Variants in TAB2 observed in about 807,000 individuals in gnomAD.
TAB2 encodes the protein TGF-beta activated kinase 1 (MAP3K7) binding protein 2, also known as TGF-beta-activated kinase 1 and MAP3K7-binding protein 2.
In TAB2, 3 loss-of-function variants were observed where a neutral mutation model predicts 65.0. The observed-to-expected ratio is 0.05, with a 90% CI of 0.02 to 0.12. The LOEUF (loss-of-function observed/expected upper bound fraction) is 0.12, where lower values mean the gene tolerates loss of function less well. Among genes scored for constraint, TAB2 ranks in the 10% least tolerant of loss-of-function variants. The pLI is 1.00. For missense variants in TAB2, 623 were observed against 840.3 expected, an observed-to-expected ratio of 0.74 and a Z score of 3.20; for synonymous variants, 298 against 285.1, an observed-to-expected ratio of 1.05 and a Z score of -0.46.
Position 149,379,525 on chromosome 6 carries a change from T to G in TAB2, c.1603+7T>G. ...GATGCTGCCTACACACAAGGTAATATGAATACTAAAGGTGGGATGGTTTTC... is the reference window on the plus strand; with the variant it reads ...GATGCTGCCTACACACAAGGTAATAGGAATACTAAAGGTGGGATGGTTTTC... On this transcript the variant is annotated splice_region_variant and intron_variant, in intron 3 of 6. Transcript: ENST00000637181. 6.2e-7 allele frequency: 1 copy of G among 1,613,996 alleles called. No homozygotes were observed. The highest frequency in any genetic ancestry group is 8.5e-7 in the Non-Finnish European group (1 of 1,179,936).
intron 3 of TAB2, among the ~76,000 whole-genome samples, chr6:149,388,388 CAGAG>C (rs976116940): frequency 8.5e-5 from 13 of 152,184 alleles, no homozygotes; most frequent in African/African-American, 3.1e-4. Flanking sequence ...ACCTGGGAGA[CAGAG>C]AGCCAGAAGA....
chr6:149,378,338 A>T lies in TAB2; in HGVS notation c.423A>T (p.Gly141=), dbSNP rs951108891. The change falls in exon 3 of 7, where the codon GGA becomes GGT. Residue 141 remains glycine, a synonymous_variant. Transcript: ENST00000637181. ...AQVPQGFNVF[G]MSSSSGASNS... ...TTCCTCAAGGCTTTAATGTTTTTGG[A>T]ATGTCCAGTTCCTCTGGTGCTTCAA... 6 of 1,614,058 alleles carry T rather than the reference A, an allele frequency of 3.7e-6. No homozygotes were observed. The African/African-American group carries it at 6.7e-5, about 18-fold the overall frequency.
Position 149,267,518 on chromosome 6 carries a change from G to A in TAB2, c.-121+48742G>A, listed in dbSNP as rs1778285032. Among the ~76,000 whole-genome samples, 3 of 152,234 alleles carry A rather than the reference G, an allele frequency of 2.0e-5. No homozygotes were observed. The East Asian group carries it at 5.8e-4, about 29-fold the overall frequency. On this transcript the variant is annotated intron_variant, in intron 1 of 1. Transcript: ENST00000606202. The stretch of plus-strand genomic sequence containing the variant: ...TCATTGCCTCTTCTTCCACTTGAGA[G>A]TTAGCTCTAAGAGGGTAGGGATTTT...
At chr6:149,275,300 G>GAAAGAAAGAAAGAAAGAAAGAAAA (rs1223068467) in intron 1 of TAB2, among the ~76,000 whole-genome samples, 1,910 of 128,318 alleles carry the variant, frequency 0.015, 210 homozygotes, top group East Asian at 0.031. Flanking sequence ...AAGAAAGAAA[G>GAAAGAAAGAAAGAAAGAAAGAAAA]AGAAAAAAGA....
intron 1 of TAB2, among the ~76,000 whole-genome samples, chr6:149,301,384 GGGAAT>G (rs1778970890): frequency 6.6e-6 from 1 of 152,128 alleles, no homozygotes; most frequent in South Asian, 2.1e-4. Flanking sequence ...GGAGTATTAA[GGGAAT>G]TATCATCTTA....
At chr6:149,244,639 AAGGAGTC>A (rs1312530202) in intron 1 of TAB2, 1 of 152,460 alleles carries the variant, frequency 6.6e-6, no homozygotes, top group Non-Finnish European at 1.5e-5. Flanking sequence ...CACTTGAGGT[AAGGAGTC>A]AGGGGTGCTG....
At chr6:149,331,069 C>T (rs1273425489) in intron 1 of TAB2, among the ~76,000 whole-genome samples, 5 of 152,120 alleles carry the variant, frequency 3.3e-5, no homozygotes, top group South Asian at 2.1e-4. Context: ...CCTCCAACTT[C>T]ATTCTCCTTT....
At chr6:149,301,274 C>T (rs996972829) in intron 1 of TAB2, among the ~76,000 whole-genome samples, 1 of 152,218 alleles carries the variant, frequency 6.6e-6, no homozygotes, top group East Asian at 1.9e-4. Context: ...TTTGAATTCT[C>T]TGTCCACCAG....
chr6:149,360,042 C>G (rs576700608), intron 1 of TAB2, among the ~76,000 whole-genome samples: 1 of 152,106 alleles, frequency 6.6e-6, no homozygotes, highest in Non-Finnish European at 1.5e-5. Flanking sequence ...AGTAATAAAT[C>G]CAGCTCTATA....
intron 6 of TAB2, among the ~76,000 whole-genome samples, chr6:149,399,410 G>GA (rs1202427418): frequency 1.3e-5 from 2 of 152,032 alleles, no homozygotes; most frequent in Non-Finnish European, 2.9e-5. Flanking sequence ...ACGAGCTTAG[G>GA]AAACACTATG....
intron 1 of TAB2, among the ~76,000 whole-genome samples, chr6:149,306,557 C>CA (rs58001933): frequency 2.4e-3 from 263 of 108,416 alleles, no homozygotes; most frequent in South Asian, 3.9e-3. Context: ...GACTCCGTCT[C>CA]AAAAAAAAAA....
intron 3 of TAB2, among the ~76,000 whole-genome samples, chr6:149,393,738 T>C (rs1782073736): frequency 6.6e-6 from 1 of 152,182 alleles, no homozygotes; most frequent in Non-Finnish European, 1.5e-5. Context: ...GAAAATAAAT[T>C]AGATTATTTT....
intron 1 of TAB2, among the ~76,000 whole-genome samples, chr6:149,340,675 A>G (rs532974885): frequency 5.3e-5 from 8 of 152,256 alleles, no homozygotes; most frequent in African/African-American, 1.7e-4. Context: ...GCCTATTCAT[A>G]TGAGTTACTG....
intron 3 of TAB2, among the ~76,000 whole-genome samples, chr6:149,382,705 T>C (rs1025097338): frequency 1.3e-5 from 2 of 152,226 alleles, no homozygotes; most frequent in African/African-American, 4.8e-5. Flanking sequence ...TGGAAAGATA[T>C]TTTAAGTGTA....
intron 1 of TAB2, among the ~76,000 whole-genome samples, chr6:149,326,000 C>G (rs1779605719): frequency 1.3e-5 from 2 of 152,128 alleles, no homozygotes; most frequent in Admixed American, 1.3e-4. Flanking sequence ...TGGCCTCCCA[C>G]CTAAGTGTTG....
At chr6:149,301,056 A>G (rs1414652147) in intron 1 of TAB2, among the ~76,000 whole-genome samples, 1 of 152,194 alleles carries the variant, frequency 6.6e-6, no homozygotes, top group Non-Finnish European at 1.5e-5. Flanking sequence ...CTTCCTTCTC[A>G]CACTTGGAAT....
At chr6:149,389,354 T>C (rs1583150735) in intron 3 of TAB2, among the ~76,000 whole-genome samples, 1 of 151,958 alleles carries the variant, frequency 6.6e-6, no homozygotes, top group African/African-American at 2.4e-5. Context: ...CTCTTTTAAA[T>C]TGTAAATCTG....
intron 6 of TAB2, among the ~76,000 whole-genome samples, chr6:149,401,850 C>CTTGA (rs1683287793): frequency 6.6e-6 from 1 of 151,722 alleles, no homozygotes; most frequent in Non-Finnish European, 1.5e-5. Context: ...TAAACACAGT[C>CTTGA]TTGAATAATC....
intron 6 of TAB2, among the ~76,000 whole-genome samples, chr6:149,399,531 C>T (rs1030589702): frequency 5.1e-5 from 3 of 58,438 alleles, no homozygotes; most frequent in African/African-American, 1.7e-4. Context: ...TAGGGAAGTT[C>T]CCCCCCCCCA....
Sources: allele counts gnomAD v4.1 joint callset (sites outside exome capture counted in the v4.1 genomes callset), GRCh38; gene constraint gnomAD v4.1.1; transcripts MANE v1.5; gene names NCBI Gene and HGNC (gene_info 2026-07-23, HGNC 2026-07-21).